LZTFL1: variants seen among roughly 807,000 people sequenced by gnomAD.
The protein encoded by LZTFL1 is leucine zipper transcription factor-like protein 1.
A neutral mutation model predicts 45.9 loss-of-function variants in LZTFL1; 25 were observed. That is an observed-to-expected ratio of 0.54 (90% CI 0.40 to 0.76). The LOEUF (loss-of-function observed/expected upper bound fraction) is 0.76. Ranked by LOEUF, LZTFL1 falls within the 30% of genes least tolerant of loss-of-function variation. The probability of loss-of-function intolerance (pLI) is 0.00; values close to 1 mark genes in which losing one functional copy is unlikely to be tolerated. For synonymous variants in LZTFL1, 93 were observed against 117.4 expected, an observed-to-expected ratio of 0.79 and a Z score of 1.35; for missense variants, 277 against 331.1, an observed-to-expected ratio of 0.84 and a Z score of 1.27.
At chr3:45,841,750 AGCGATGCG>A (rs1197907856) in intron 1 of LZTFL1, 1 of 589,580 alleles carries the variant, frequency 1.7e-6, no homozygotes, top group East Asian at 2.8e-5. Context: ...AGAGAAACGA[AGCGATGCG>A]GCGGAGCTGG....
intron 2 of LZTFL1, chr3:45,895,033 T>C (rs1310545878): frequency 7.2e-7 from 1 of 1,391,306 alleles, no homozygotes; most frequent in Non-Finnish European, 1.0e-6. Flanking sequence ...AAGGATCCAC[T>C]GTGGGGGAAG....
chr3:45,890,056 G>T (rs1197698236), intron 2 of LZTFL1, among the ~76,000 whole-genome samples: 1 of 150,130 alleles, frequency 6.7e-6, no homozygotes, highest in East Asian at 2.0e-4. Flanking sequence ...CAGTGTGGAG[G>T]CCTTTTTTCC....
At chr3:45,895,934 C>T (rs575271576) in intron 2 of LZTFL1, among the ~76,000 whole-genome samples, 2 of 152,130 alleles carry the variant, frequency 1.3e-5, no homozygotes, top group Non-Finnish European at 2.9e-5. Flanking sequence ...TCCTAGCAGG[C>T]GGGCTAACAA....
intron 1 of LZTFL1, chr3:45,841,716 T>C (rs942579249): frequency 8.7e-6 from 5 of 575,424 alleles, no homozygotes; most frequent in African/African-American, 1.9e-5. Context: ...GAGTTGTGCC[T>C]TGGCTCCAGC....
At chr3:45,851,152 ACT>A (rs1374307292) in intron 4 of LZTFL1, among the ~76,000 whole-genome samples, 1 of 150,020 alleles carries the variant, frequency 6.7e-6, no homozygotes, top group Non-Finnish European at 1.5e-5. Context: ...ATCATCACCA[ACT>A]CTCTGACCAC....
chr3:45,831,173 C>A, intron 5 of LZTFL1, 35 bp from the exon 6 acceptor site: 1 of 1,126,114 alleles, frequency 8.9e-7, no homozygotes, highest in Non-Finnish European at 1.3e-6. Context: ...TTATATTAAC[C>A]AAAATATTTT....
rs561002112 is a variant in LZTFL1, at chr3:45,908,470, C to T, written c.-215+4650G>A. 2.6e-5 allele frequency among the ~76,000 whole-genome samples: 4 copies of T among 152,300 alleles called. No individual in the cohort carries two copies. The South Asian group carries it at 8.3e-4, about 32-fold the overall frequency. On this transcript the variant is annotated intron_variant, in intron 2 of 4. Transcript: ENST00000472635. ...AACTCACAATCACAGACCCAAGTCA[C>T]ACCATCACAGGAACAAGCTGATGGT...
chr3:45,891,088 G>A (rs1365262983), intron 2 of LZTFL1, among the ~76,000 whole-genome samples: 2 of 152,186 alleles, frequency 1.3e-5, no homozygotes, highest in Admixed American at 6.5e-5. Context: ...GCAAACACGT[G>A]TGTTACTTTT....
At chr3:45,828,347 G>A (rs1700722173) in intron 8 of LZTFL1, 92 bp downstream of exon 8, 2 of 1,103,538 alleles carry the variant, frequency 1.8e-6, no homozygotes, top group Non-Finnish European at 2.6e-6. Flanking sequence ...ATTTGCAGTT[G>A]TCCAACGTTT....
At chr3:45,877,798 T>G (rs910943281) in intron 2 of LZTFL1, among the ~76,000 whole-genome samples, 5 of 150,228 alleles carry the variant, frequency 3.3e-5, no homozygotes, top group Non-Finnish European at 5.9e-5. Context: ...CAGGCTGGAG[T>G]GCAGTGGCTT....
At chr3:45,891,305 TTTA>T (rs1227398352) in intron 2 of LZTFL1, among the ~76,000 whole-genome samples, 1 of 152,210 alleles carries the variant, frequency 6.6e-6, no homozygotes, top group African/African-American at 2.4e-5. Flanking sequence ...CTTCTAAAAA[TTTA>T]TTGTGAGTCT....
At chr3:45,838,191 GGCT>G in intron 1 of LZTFL1, 140 bp from the exon 2 acceptor site, 3 of 886,808 alleles carry the variant, frequency 3.4e-6, no homozygotes, top group Admixed American at 3.1e-5. Flanking sequence ...CTGGCTGCAT[GGCT>G]GCCCACCTAG....
At chr3:45,846,785 T>G (rs2125699060), upstream of LZTFL1, among the ~76,000 whole-genome samples, 1 of 151,902 alleles carries the variant, frequency 6.6e-6, no homozygotes, top group East Asian at 1.9e-4. Flanking sequence ...GAGAAAGAGT[T>G]GGAGGAGGTG....
In LZTFL1 at chr3:45,853,465, G is replaced by A. The variant is rs146025911; in HGVS notation, c.-49+1521C>T. Among the ~76,000 whole-genome samples the A allele has an allele frequency of 2.0e-4, 30 of 152,298 alleles. 1 individual carries two copies. The East Asian group carries it at 5.8e-3, about 29-fold the overall frequency. On this transcript the variant is annotated intron_variant, in intron 4 of 4. Transcript: ENST00000472635. ...TTTACTCTTTTCACAGATATAGAGA[G>A]CAAAATTATTAAATGTGTAATAAGT...
intron 2 of LZTFL1, among the ~76,000 whole-genome samples, chr3:45,865,895 T>C (rs1335176020): frequency 6.6e-6 from 1 of 152,212 alleles, no homozygotes; most frequent in Non-Finnish European, 1.5e-5. Flanking sequence ...ACCAAATGTC[T>C]ACAAACCAAT....
upstream of LZTFL1, among the ~76,000 whole-genome samples, chr3:45,842,479 AT>A (rs568552959): frequency 6.1e-5 from 9 of 147,196 alleles, no homozygotes; most frequent in East Asian, 2.0e-4. Flanking sequence ...CGGCCCAGAC[AT>A]TTTTTTTTTT....
intron 2 of LZTFL1, among the ~76,000 whole-genome samples, chr3:45,888,001 AG>A (rs1464460639): frequency 2.6e-5 from 4 of 152,282 alleles, no homozygotes; most frequent in Non-Finnish European, 5.9e-5. Flanking sequence ...TGTAAGCATC[AG>A]AGGCTATAAG....
At chr3:45,896,886 C>T (rs1702373591) in intron 2 of LZTFL1, among the ~76,000 whole-genome samples, 1 of 152,236 alleles carries the variant, frequency 6.6e-6, no homozygotes, top group Non-Finnish European at 1.5e-5. Context: ...TCTGTCCATT[C>T]CCCAGAGAGG....
intron 3 of LZTFL1, among the ~76,000 whole-genome samples, chr3:45,856,100 T>C (rs779237321): frequency 4.1e-5 from 6 of 144,950 alleles, no homozygotes; most frequent in Non-Finnish European, 7.4e-5. Flanking sequence ...AAGACAATCC[T>C]AGGCAAAAAG....
Sources: gnomAD v4.1 joint callset for allele counts (sites outside exome capture counted in the v4.1 genomes callset) on GRCh38, gnomAD v4.1.1 for gene constraint, MANE v1.5 for transcripts, NCBI Gene and HGNC (gene_info 2026-07-23, HGNC 2026-07-21) for gene names.